GABBR2: variants seen among roughly 807,000 people sequenced by gnomAD.
GABBR2 encodes G-protein coupled receptor 51.
In GABBR2, 23 loss-of-function variants were observed where a neutral mutation model predicts 105.6. The ratio of observed to expected loss-of-function variants is 0.22; its 90% confidence interval spans 0.16 to 0.31. The LOEUF is 0.31. Among genes scored for constraint, GABBR2 ranks in the 10% least tolerant of loss-of-function variants. The pLI, the probability that GABBR2 is intolerant of heterozygous loss-of-function variation, is 1.00. For synonymous variants in GABBR2, 478 were observed against 499.7 expected (o/e 0.96, Z 0.58); for missense variants, 734 against 1,245.5 (o/e 0.59, Z 6.18).
chr9:98,609,077 T>A (rs909912022), intron 1 of GABBR2, among the ~76,000 whole-genome samples: 1 of 152,228 alleles, frequency 6.6e-6, no homozygotes, highest in African/African-American at 2.4e-5. Flanking sequence ...TAATCATATA[T>A]TGCATTTCTG....
Position 98,318,640 on chromosome 9 carries a change from A to C in GABBR2, c.1894-7435T>G, listed in dbSNP as rs149829058. Among the ~76,000 whole-genome samples the C allele has an allele frequency of 2.7e-3, 409 of 152,090 alleles. 3 individuals are homozygous for C. Among genetic ancestry groups the C allele is most frequent in the African/African-American group, 9.2e-3 (383 of 41,486 alleles). On this transcript the variant is annotated intron_variant, in intron 13 of 18. Transcript: ENST00000259455. ...TTGGCGCGGGTCACTCGGACCTTTT[A>C]TTCCTGCCACCACTGTGGGTGGAAA...
In GABBR2 at chr9:98,362,799, G is replaced by A; in HGVS notation, c.1809C>T (p.Gly603=). 1 of 1,598,910 alleles carries A rather than the reference G, an allele frequency of 6.3e-7. No homozygotes were observed. Among genetic ancestry groups the A allele is most frequent in the Non-Finnish European group, 8.5e-7 (1 of 1,173,114 alleles). ...GGATACACAGGTCGATCAGCAGCAT[G>A]CCCCCCACGATCACAAGCAGTTTCT... is the stretch of plus-strand genomic sequence containing the variant. The part of the protein sequence containing the change: ...KDQKLLVIVG[G]MLLIDLCILI... Residue 603 remains glycine, a synonymous_variant, in exon 13 of 19, where the codon GGC becomes GGT. Transcript: ENST00000259455.
At chr9:98,638,269 A>G (rs528622345) in intron 1 of GABBR2, among the ~76,000 whole-genome samples, 7 of 152,384 alleles carry the variant, frequency 4.6e-5, no homozygotes, top group East Asian at 1.9e-4. Flanking sequence ...AGAAATGCCT[A>G]TGGTCCAAGT....
intron 4 of GABBR2, among the ~76,000 whole-genome samples, chr9:98,484,675 G>A (rs576356510): frequency 2.0e-5 from 3 of 152,266 alleles, no homozygotes; most frequent in East Asian, 1.9e-4. Flanking sequence ...GAGGTGTCCC[G>A]AGTGTAGGAA....
intron 3 of GABBR2, among the ~76,000 whole-genome samples, chr9:98,516,457 T>C (rs1407695686): frequency 6.6e-6 from 1 of 152,108 alleles, no homozygotes; most frequent in Admixed American, 6.6e-5. Flanking sequence ...AATAGAAACT[T>C]GCCCCAAATC....
At chr9:98,437,293 G>A (rs1305918578) in intron 7 of GABBR2, among the ~76,000 whole-genome samples, 1 of 152,076 alleles carries the variant, frequency 6.6e-6, no homozygotes, top group Non-Finnish European at 1.5e-5. Flanking sequence ...CACTAGCTCA[G>A]TTACCCACCC....
intron 13 of GABBR2, among the ~76,000 whole-genome samples, chr9:98,326,573 G>A (rs1328869183): frequency 1.3e-5 from 2 of 152,220 alleles, no homozygotes; most frequent in Non-Finnish European, 2.9e-5. Flanking sequence ...CTGAAGCACT[G>A]AAGACCTGTT....
At chr9:98,669,722 T>C (rs1830383251) in intron 1 of GABBR2, among the ~76,000 whole-genome samples, 1 of 152,104 alleles carries the variant, frequency 6.6e-6, no homozygotes, top group Admixed American at 6.6e-5. Flanking sequence ...AGGATGTTAT[T>C]GATTCATCAC....
intron 13 of GABBR2, among the ~76,000 whole-genome samples, chr9:98,348,394 C>T (rs1831335994): frequency 6.6e-6 from 1 of 152,142 alleles, no homozygotes; most frequent in African/African-American, 2.4e-5. Flanking sequence ...ATCTTTTGCT[C>T]AGTATTGCCT....
intron 1 of GABBR2, among the ~76,000 whole-genome samples, chr9:98,655,630 T>C (rs901003384): frequency 6.6e-6 from 1 of 152,180 alleles, no homozygotes; most frequent in South Asian, 2.1e-4. Flanking sequence ...ATGTGGCATA[T>C]ACACACCATG....
At chr9:98,698,454 C>T (rs541660459) in intron 1 of GABBR2, among the ~76,000 whole-genome samples, 1 of 152,224 alleles carries the variant, frequency 6.6e-6, no homozygotes, top group South Asian at 2.1e-4. Flanking sequence ...AATTTTCAGA[C>T]TCTTAAACTC....
At chr9:98,531,688 A>G (rs1454018502) in intron 3 of GABBR2, among the ~76,000 whole-genome samples, 2 of 152,248 alleles carry the variant, frequency 1.3e-5, no homozygotes. Flanking sequence ...CATTCACATG[A>G]AAGAACAAGT....
At chr9:98,401,470 C>G (rs774083900) in intron 8 of GABBR2, among the ~76,000 whole-genome samples, 1 of 152,144 alleles carries the variant, frequency 6.6e-6, no homozygotes, top group Non-Finnish European at 1.5e-5. Flanking sequence ...AAAGGCAAAT[C>G]CTGGAACATG....
At chr9:98,695,812 C>G (rs1174080454) in intron 1 of GABBR2, among the ~76,000 whole-genome samples, 1 of 152,146 alleles carries the variant, frequency 6.6e-6, no homozygotes, top group Non-Finnish European at 1.5e-5. Context: ...TGACCGATGC[C>G]CAGTGTCTTT....
intron 7 of GABBR2, among the ~76,000 whole-genome samples, chr9:98,440,511 T>TC (rs917390645): frequency 1.3e-5 from 2 of 151,860 alleles, no homozygotes; most frequent in Non-Finnish European, 2.9e-5. Context: ...GTCCCCCACT[T>TC]CCCCCCTTCT....
chr9:98,494,120 G>T (rs559779111), intron 4 of GABBR2, among the ~76,000 whole-genome samples: 6 of 152,320 alleles, frequency 3.9e-5, no homozygotes, highest in South Asian at 2.1e-4. Context: ...AACTGCCAAG[G>T]ATTACTGGTG....
chr9:98,540,211 A>G lies in GABBR2; in HGVS notation c.630+1662T>C, dbSNP rs568756627. Among the ~76,000 whole-genome samples the G allele has an allele frequency of 5.1e-3, 777 of 152,302 alleles. 10 individuals carry two copies. Among genetic ancestry groups the G allele is most frequent in the African/African-American group, 0.018 (748 of 41,558 alleles). ...AAGATGACGAGCAGTCTTGCCTGGG[A>G]AAAGCTTGCCTTGTTTGGATACCCA... On this transcript the variant is annotated intron_variant, in intron 3 of 18. Coordinates refer to ENST00000259455, the MANE Select transcript of GABBR2 (RefSeq NM_005458.8).
At chr9:98,619,261 C>T (rs984761641) in intron 1 of GABBR2, among the ~76,000 whole-genome samples, 28 of 151,626 alleles carry the variant, frequency 1.8e-4, no homozygotes, top group Non-Finnish European at 8.8e-5. Flanking sequence ...AAAATTTTAA[C>T]CCCCCACCCC....
chr9:98,577,604 G>A (rs1828938480), intron 2 of GABBR2, among the ~76,000 whole-genome samples: 1 of 152,228 alleles, frequency 6.6e-6, no homozygotes, highest in Non-Finnish European at 1.5e-5. Flanking sequence ...GCAAGGCTGT[G>A]CTGTGGAGCA....
Sources: allele counts gnomAD v4.1 joint callset (sites outside exome capture counted in the v4.1 genomes callset), GRCh38; gene constraint gnomAD v4.1.1; transcripts MANE v1.5; gene names NCBI Gene and HGNC (gene_info 2026-07-23, HGNC 2026-07-21).